Variants in ERG observed in about 807,000 individuals in gnomAD.
The protein encoded by ERG is ETS transcription factor ERG.
In ERG, 9 loss-of-function variants were observed where a neutral mutation model predicts 55.3. The ratio of observed to expected loss-of-function variants is 0.16; its 90% CI spans 0.10 to 0.28. The LOEUF is 0.28. ERG is among the 10% of genes least tolerant of loss of function. The probability of loss-of-function intolerance (pLI) is 1.00; values close to 1 mark genes in which losing one functional copy is unlikely to be tolerated. For missense variants in ERG, 434 were observed against 631.6 expected (o/e 0.69, Z 3.35); for synonymous variants, 223 against 237.3 (o/e 0.94, Z 0.55).
chr21:38,484,598 C>T (rs1241257752), intron 1 of ERG, among the ~76,000 whole-genome samples: 3 of 152,194 alleles, frequency 2.0e-5, no homozygotes, highest in African/African-American at 7.2e-5. Flanking sequence ...GTCAGTTGAG[C>T]CACCAAATGG....
chr21:38,498,554 A>G (rs2059398179), upstream of ERG: 1 of 1,331,434 alleles, frequency 7.5e-7, no homozygotes, highest in African/African-American at 1.5e-5. The surrounding 1 kb of genome is among the most constrained non-coding windows in gnomAD (Gnocchi z 4.6). Flanking sequence ...TGTCCAGCCC[A>G]AAGAAACAGG....
intron 1 of ERG, among the ~76,000 whole-genome samples, chr21:38,584,317 C>T (rs1368667619): frequency 2.6e-5 from 4 of 152,224 alleles, no homozygotes; most frequent in African/African-American, 9.7e-5. Flanking sequence ...CCTTCTTCAA[C>T]TGGATTTTAT....
chr21:38,629,661 T>G (rs912276834), intron 1 of ERG, among the ~76,000 whole-genome samples: 1 of 152,162 alleles, frequency 6.6e-6, no homozygotes, highest in Non-Finnish European at 1.5e-5. Flanking sequence ...GGTGGGAGCA[T>G]GAAATAGTAC....
intron 2 of ERG, among the ~76,000 whole-genome samples, chr21:38,553,604 T>C (rs1305826301): frequency 6.6e-6 from 1 of 152,182 alleles, no homozygotes; most frequent in Non-Finnish European, 1.5e-5. Context: ...ATTCAATAAA[T>C]AGTGCTTGGA....
At chr21:38,653,066 C>G (rs1379302714) in intron 1 of ERG, among the ~76,000 whole-genome samples, 1 of 152,210 alleles carries the variant, frequency 6.6e-6, no homozygotes, top group African/African-American at 2.4e-5. Context: ...TTTCTAGATT[C>G]CACGATGTGA....
At chr21:38,568,325 G>A (rs2059936116) in intron 2 of ERG, among the ~76,000 whole-genome samples, 1 of 152,174 alleles carries the variant, frequency 6.6e-6, no homozygotes, top group African/African-American at 2.4e-5. Context: ...GTGATAATAA[G>A]TCTCACTGAG....
chr21:38,581,812 G>A (rs1323931428), intron 1 of ERG, among the ~76,000 whole-genome samples: 1 of 152,178 alleles, frequency 6.6e-6, no homozygotes, highest in Admixed American at 6.5e-5. Context: ...GGGAGGCCGA[G>A]GAGGGTGGAT....
At chr21:38,425,393 A>T (rs1356332096) in intron 2 of ERG, among the ~76,000 whole-genome samples, 3 of 152,072 alleles carry the variant, frequency 2.0e-5, no homozygotes, top group Non-Finnish European at 4.4e-5. Flanking sequence ...CAAAAAAAGA[A>T]GAAAGGAAAG....
chr21:38,545,608 C>T (rs994976950), intron 2 of ERG, among the ~76,000 whole-genome samples: 1 of 152,232 alleles, frequency 6.6e-6, no homozygotes, highest in Non-Finnish European at 1.5e-5. Context: ...CAATATCTCA[C>T]TTTCCCTTGT....
chr21:38,441,749 A>C (rs2058843055), intron 2 of ERG, among the ~76,000 whole-genome samples: 1 of 152,134 alleles, frequency 6.6e-6, no homozygotes, highest in Admixed American at 6.5e-5. Context: ...ACATCTGTAC[A>C]TTGCTAGATG....
chr21:38,450,164 G>C (rs1268212211), intron 1 of ERG, among the ~76,000 whole-genome samples: 1 of 151,696 alleles, frequency 6.6e-6, no homozygotes, highest in African/African-American at 2.4e-5. Flanking sequence ...GGCCAAGGTG[G>C]GTGGGTCATG....
At chr21:38,481,814 T>C (rs182558604) in intron 1 of ERG, among the ~76,000 whole-genome samples, 1 of 152,294 alleles carries the variant, frequency 6.6e-6, no homozygotes, top group Admixed American at 6.5e-5. Flanking sequence ...CACTGACATT[T>C]CAAAGAGGTG....
upstream of ERG, chr21:38,498,631 G>A (rs2059398623): frequency 1.5e-6 from 1 of 645,552 alleles, no homozygotes; most frequent in South Asian, 4.3e-5. This position sits in a 1 kb window ranked among gnomAD's most constrained non-coding sequence, Gnocchi z 4.6. Flanking sequence ...TATGCAGCCA[G>A]GAGATTTTTT....
chr21:38,517,048 A>G (rs2059557352), intron 2 of ERG, among the ~76,000 whole-genome samples: 2 of 152,084 alleles, frequency 1.3e-5, no homozygotes, highest in Non-Finnish European at 1.5e-5. Context: ...CAGGACATTG[A>G]TCTAAGCAAA....
chr21:38,549,417 C>A (rs1367348222), intron 2 of ERG, among the ~76,000 whole-genome samples: 1 of 152,204 alleles, frequency 6.6e-6, no homozygotes. Context: ...TCACCGAAAT[C>A]TACAACTAAA....
intron 1 of ERG, among the ~76,000 whole-genome samples, chr21:38,465,720 A>G (rs1343096882): frequency 6.6e-6 from 1 of 152,194 alleles, no homozygotes; most frequent in Admixed American, 6.5e-5. Flanking sequence ...TGCTCTGAGA[A>G]ATAAAGTCTA....
intron 6 of ERG, among the ~76,000 whole-genome samples, chr21:38,398,785 G>A (rs1405703601): frequency 6.6e-6 from 1 of 152,236 alleles, no homozygotes; most frequent in Admixed American, 6.5e-5. Context: ...GTCTGACAGA[G>A]AGATTGTGCC....
intron 2 of ERG, among the ~76,000 whole-genome samples, chr21:38,541,034 G>T (rs9980455): frequency 0.18 from 27,805 of 151,750 alleles, 2,824 homozygotes; most frequent in African/African-American, 0.28. Context: ...GCAGGAATTC[G>T]TGTGCTGCAA....
intron 1 of ERG, among the ~76,000 whole-genome samples, chr21:38,451,487 A>T (rs1055992718): frequency 6.6e-6 from 1 of 152,216 alleles, no homozygotes. Flanking sequence ...GACAGGTAGG[A>T]GTACCATTTA....
Sources: allele counts gnomAD v4.1 joint callset (sites outside exome capture counted in the v4.1 genomes callset), GRCh38; gene constraint gnomAD v4.1.1; non-coding constraint Gnocchi (gnomAD v3.1); transcripts MANE v1.5; gene names NCBI Gene and HGNC (gene_info 2026-07-23, HGNC 2026-07-21).